The following ARHGEF9 variants were observed in gnomAD, a reference collection of about 807,000 sequenced individuals.
ARHGEF9 encodes the protein Cdc42 guanine nucleotide exchange factor 9, also known as rho guanine nucleotide exchange factor 9.
In ARHGEF9, 2 loss-of-function variants were observed where a neutral mutation model predicts 41.3. The ratio of observed to expected loss-of-function variants is 0.05; its 90% CI spans 0.02 to 0.15. The LOEUF (loss-of-function observed/expected upper bound fraction) is 0.15. Ranked by LOEUF, ARHGEF9 falls within the 10% of genes least tolerant of loss-of-function variation. The pLI, the probability that ARHGEF9 is intolerant of heterozygous loss-of-function variation, is 1.00. For synonymous variants in ARHGEF9, 160 were observed against 154.4 expected (o/e 1.04, Z -0.27); for missense variants, 225 against 424.7 (o/e 0.53, Z 4.13).
At chrX:63,647,069 C>T (rs1227428861) in intron 8 of ARHGEF9, among the ~76,000 whole-genome samples, 160 of 111,626 alleles carry the variant, frequency 1.4e-3, no homozygotes, top group Non-Finnish European at 2.0e-3. Flanking sequence ...GTGATTTTTG[C>T]ACATTGATTT....
In ARHGEF9 at chrX:63,731,669, C is replaced by T. The variant is rs148405047; in HGVS notation, c.31-6958G>A. On this transcript the variant is annotated intron_variant, in intron 1 of 9. Transcript: ENST00000671741. ...CCACCTCCCGGGTTCAAGTGATTCT[C>T]CTGCCTCAGCCTCTAAAGCAGCTGG... Among the ~76,000 whole-genome samples the T allele has an allele frequency of 2.3e-3, 243 of 107,563 alleles. 1 individual carries two copies. The highest frequency in any genetic ancestry group is 7.7e-3 in the African/African-American group (226 of 29,408). The allele number at this position is 107,563 out of a possible 115,157, so 93.4% of individuals were successfully genotyped here.
rs1353768660 is a variant in ARHGEF9, at chrX:63,785,029, C to T, written c.30+87G>A. 4.5e-6 allele frequency: 5 copies of T among 1,107,901 alleles called. No individual in the cohort carries two copies. The Admixed American group carries it at 7.9e-5, about 17-fold the overall frequency. The allele number at this position is 1,107,901 out of a possible 1,213,427, so 91.3% of individuals were successfully genotyped here. ...CGGTGGGCAGAGGCCAGGGTGCTCACTGCCTTGTGGCTCGTTGGAGGAACT... is the reference window on the plus strand; with the variant it reads ...CGGTGGGCAGAGGCCAGGGTGCTCATTGCCTTGTGGCTCGTTGGAGGAACT... On this transcript the variant is annotated intron_variant, in intron 1 of 9. Coordinates refer to ENST00000671741, the MANE Select transcript of ARHGEF9 (RefSeq NM_001353921.2).
intron 1 of ARHGEF9, chrX:63,727,045 G>A (rs1406294593): frequency 8.9e-6 from 1 of 111,833 alleles, no homozygotes; most frequent in Non-Finnish European, 1.9e-5. Context: ...CCCCTCTCCT[G>A]GAAAAGATGG....
rs782667512 is a variant in ARHGEF9, at chrX:63,733,069, C to T, written c.31-8358G>A. Among the ~76,000 whole-genome samples the T allele has an allele frequency of 3.6e-5, 4 of 111,887 alleles. No individual in the cohort carries two copies. In the South Asian group the frequency reaches 1.5e-3, roughly 42 times the overall value. ...TCAAGTTGCTGACCAGAGTGTTATTCTTCAAATAACCAGAGTATATACTTC... is the reference window on the plus strand; with the variant it reads ...TCAAGTTGCTGACCAGAGTGTTATTTTTCAAATAACCAGAGTATATACTTC... On this transcript the variant is annotated intron_variant, in intron 1 of 9. Coordinates refer to ENST00000671741, the MANE Select transcript of ARHGEF9 (RefSeq NM_001353921.2).
At chrX:63,668,893 T>C (rs2049759992) in intron 6 of ARHGEF9, among the ~76,000 whole-genome samples, 1 of 111,914 alleles carries the variant, frequency 8.9e-6, no homozygotes, top group South Asian at 3.7e-4. Flanking sequence ...CACATTAGAA[T>C]GATGGCCCCC....
chrX:63,762,544 A>T lies in ARHGEF9; in HGVS notation c.30+22572T>A, dbSNP rs191222500. 2.7e-5 allele frequency among the ~76,000 whole-genome samples: 3 copies of T among 111,281 alleles called. No individual in the cohort carries two copies. The Admixed American group carries it at 2.9e-4, about 11-fold the overall frequency. ...TCCCCAAATATTGGTAAAGAAGAGA[A>T]GAGTGCAGGACACATAAATAGATGG... On this transcript the variant is annotated intron_variant, in intron 1 of 9. Coordinates refer to ENST00000671741, the MANE Select transcript of ARHGEF9 (RefSeq NM_001353921.2).
intron 1 of ARHGEF9, among the ~76,000 whole-genome samples, chrX:63,745,113 A>G: frequency 1.5e-5 from 1 of 64,772 alleles, no homozygotes; most frequent in African/African-American, 6.4e-5. Flanking sequence ...CCACACTCTG[A>G]GGGGGTGGGG....
rs1159831282 is a variant in ARHGEF9, at chrX:63,681,538, A to G, written c.583-2966T>C. On this transcript the variant is annotated intron_variant, in intron 4 of 9. Transcript: ENST00000671741. ...GAAAAAATCAAAAGGGAAATTAAAA[A>G]ATATCTTGAGACAAATGAAATTGAA... Among the ~76,000 whole-genome samples the G allele has an allele frequency of 3.2e-4, 36 of 111,840 alleles. 1 individual carries two copies. Among genetic ancestry groups the G allele is most frequent in the African/African-American group, 1.2e-3 (36 of 30,729 alleles).
At chrX:63,762,158 C>A (rs2147802766) in intron 1 of ARHGEF9, among the ~76,000 whole-genome samples, 1 of 111,518 alleles carries the variant, frequency 9.0e-6, no homozygotes, top group South Asian at 3.8e-4. Context: ...TCAGCTAAGC[C>A]CCTCTGACCT....
chrX:63,668,619 G>T (rs1556351629), intron 6 of ARHGEF9, among the ~76,000 whole-genome samples: 1 of 111,939 alleles, frequency 8.9e-6, no homozygotes, highest in African/African-American at 3.2e-5. Context: ...TGGGTGTTGT[G>T]AGGATTATTT....
intron 3 of ARHGEF9, among the ~76,000 whole-genome samples, chrX:63,702,153 A>G (rs2052228544): frequency 8.9e-6 from 1 of 112,567 alleles, no homozygotes; most frequent in South Asian, 3.6e-4. Context: ...GTGAGTGAGG[A>G]AAGCTAGGCC....
At chrX:63,748,541 C>G (rs1267524943) in intron 1 of ARHGEF9, among the ~76,000 whole-genome samples, 3 of 111,824 alleles carry the variant, frequency 2.7e-5, no homozygotes, top group African/African-American at 9.8e-5. Context: ...TCAAAAAACC[C>G]TGAAGTGGCC....
intron 1 of ARHGEF9, among the ~76,000 whole-genome samples, chrX:63,779,617 A>T (rs1437306677): frequency 8.9e-6 from 1 of 111,807 alleles, no homozygotes; most frequent in Non-Finnish European, 1.9e-5. Flanking sequence ...ATAACCATCC[A>T]TCTAGTTTCA....
intron 2 of ARHGEF9, among the ~76,000 whole-genome samples, chrX:63,715,055 A>G (rs1443663483): frequency 9.0e-5 from 10 of 111,269 alleles, no homozygotes; most frequent in African/African-American, 3.3e-4. Context: ...AGTGTAGGGA[A>G]ACCCTTCACA....
intron 1 of ARHGEF9, chrX:63,732,156 T>C (rs2054343633): frequency 8.9e-6 from 1 of 112,026 alleles, no homozygotes. Context: ...AACCCTTGAC[T>C]GCCGCATTCA....
intron 1 of ARHGEF9, chrX:63,754,691 A>C (rs1208486259): frequency 1.1e-6 from 1 of 926,468 alleles, no homozygotes; most frequent in Non-Finnish European, 1.3e-6. Flanking sequence ...AAAGGAGAGG[A>C]GGAAGTAGGG....
intron 7 of ARHGEF9, among the ~76,000 whole-genome samples, chrX:63,661,112 G>T (rs2049184012): frequency 1.8e-5 from 2 of 112,161 alleles, no homozygotes; most frequent in African/African-American, 6.5e-5. Flanking sequence ...TAAGTACTCA[G>T]GAGTTCTGGT....
intron 8 of ARHGEF9, among the ~76,000 whole-genome samples, chrX:63,647,778 A>T (rs2048217653): frequency 9.0e-6 from 1 of 110,874 alleles, no homozygotes; most frequent in Non-Finnish European, 1.9e-5. Context: ...CTCTTTTTCT[A>T]TTGATTGGAA....
intron 2 of ARHGEF9, among the ~76,000 whole-genome samples, chrX:63,712,644 T>C (rs2053017816): frequency 8.9e-6 from 1 of 111,953 alleles, no homozygotes; most frequent in African/African-American, 3.2e-5. Context: ...GTGATGGTTA[T>C]ACAACTTTGT....
Sources: gnomAD v4.1 joint callset for allele counts (sites outside exome capture counted in the v4.1 genomes callset) on GRCh38, gnomAD v4.1.1 for gene constraint, MANE v1.5 for transcripts, NCBI Gene and HGNC (gene_info 2026-07-23, HGNC 2026-07-21) for gene names.